TNS3: variants seen among roughly 807,000 people sequenced by gnomAD.
TNS3 encodes tensin-3.
A neutral mutation model predicts 140.9 loss-of-function variants in TNS3; 45 were observed. The observed-to-expected ratio is 0.32, with a 90% CI of 0.25 to 0.41. The LOEUF is 0.41. Among genes scored for constraint, TNS3 ranks in the 10% least tolerant of loss-of-function variants. TNS3 has a pLI of 1.00. For missense variants in TNS3, 1,716 were observed against 1,906.7 expected (o/e 0.90, Z 1.86); for synonymous variants, 815 against 788.4 (o/e 1.03, Z -0.56).
intron 8 of TNS3, among the ~76,000 whole-genome samples, chr7:47,429,388 C>T (rs566086938): frequency 3.3e-5 from 5 of 150,998 alleles, no homozygotes; most frequent in South Asian, 2.1e-4. Context: ...TTTTTGGAGA[C>T]GGAGTCTCAC....
At position 47,564,635 on chromosome 7, in the gene TNS3, C is replaced by CAAAAAAAA. The variant is rs749603752; in HGVS notation, c.-265+17408_-265+17415dup. ...TGGGCAACAGAGCAAGACTCCGTCT[C>CAAAAAAAA]AAAAAAAAAAAAAACAAAAAAAAAC... On this transcript the variant is annotated intron_variant, in intron 1 of 30. Coordinates refer to ENST00000311160, the MANE Select transcript of TNS3 (RefSeq NM_022748.12). 6.6e-3 allele frequency among the ~76,000 whole-genome samples: 198 copies of CAAAAAAAA among 30,118 alleles called. 6 individuals are homozygous for CAAAAAAAA. The highest frequency in any genetic ancestry group is 0.018 in the East Asian group (11 of 622). 19.8% of individuals were successfully genotyped at this position (30,118 alleles called of 152,430 possible).
At chr7:47,477,383 A>T (rs1416662469) in intron 4 of TNS3, among the ~76,000 whole-genome samples, 2 of 152,280 alleles carry the variant, frequency 1.3e-5, no homozygotes, top group Non-Finnish European at 2.9e-5. Context: ...GGGTGGGTAC[A>T]AGTGCCAGGT....
intron 3 of TNS3, among the ~76,000 whole-genome samples, chr7:47,492,767 G>T (rs1328937452): frequency 1.3e-5 from 2 of 152,168 alleles, no homozygotes; most frequent in Non-Finnish European, 2.9e-5. Context: ...ATGAGGGGTG[G>T]GCCCCACATC....
At chr7:47,330,436 T>C (rs900854668) in intron 20 of TNS3, among the ~76,000 whole-genome samples, 2 of 152,158 alleles carry the variant, frequency 1.3e-5, no homozygotes, top group African/African-American at 2.4e-5. Flanking sequence ...CAAACTTTTA[T>C]CCAGATCCTT....
chr7:47,348,633 G>A (rs1789486962), intron 17 of TNS3, among the ~76,000 whole-genome samples: 2 of 152,150 alleles, frequency 1.3e-5, no homozygotes, highest in African/African-American at 4.8e-5. Flanking sequence ...ATATCACACT[G>A]TGCCCCATAA....
intron 3 of TNS3, among the ~76,000 whole-genome samples, chr7:47,498,272 C>T (rs938387400): frequency 6.6e-6 from 1 of 152,228 alleles, no homozygotes; most frequent in Admixed American, 6.5e-5. Flanking sequence ...TCCCATGTAA[C>T]CACAGTGCCA....
rs756136993 is a variant in TNS3 at position 47,531,268 on chromosome 7, A to G, written c.-264-2121T>C. On this transcript the variant is annotated intron_variant, in intron 1 of 30. Coordinates refer to ENST00000311160, the MANE Select transcript of TNS3 (RefSeq NM_022748.12). ...CCCTGAATCTAAAAGTTAAAAAAAT[A>G]AACAAAATAGAATAAAACAAAATAC... Among the ~76,000 whole-genome samples the G allele has an allele frequency of 3.9e-5, 6 of 152,316 alleles. No individual in the cohort carries two copies. In the South Asian group the frequency reaches 1.2e-3, roughly 32 times the overall value.
intron 13 of TNS3, among the ~76,000 whole-genome samples, chr7:47,411,496 G>C (rs1455956517): frequency 6.6e-6 from 1 of 152,114 alleles, no homozygotes; most frequent in African/African-American, 2.4e-5. Context: ...GGGAGGCTCA[G>C]GTGGTCATGC....
intron 13 of TNS3, among the ~76,000 whole-genome samples, chr7:47,408,544 G>A (rs1196459923): frequency 6.6e-6 from 1 of 152,130 alleles, no homozygotes; most frequent in African/African-American, 2.4e-5. Context: ...GTCCGATAGA[G>A]GAAAGTGACC....
chr7:47,565,304 T>A (rs575323800), intron 1 of TNS3, among the ~76,000 whole-genome samples: 2 of 151,758 alleles, frequency 1.3e-5, no homozygotes, highest in African/African-American at 4.8e-5. Flanking sequence ...CTCGATCTCC[T>A]GACCTCGTGA....
Position 47,505,372 on chromosome 7 carries a change from C to T in TNS3, c.-115+1535G>A, listed in dbSNP as rs558007782. On this transcript the variant is annotated intron_variant, in intron 3 of 30. Coordinates refer to ENST00000311160, the MANE Select transcript of TNS3 (RefSeq NM_022748.12). The stretch of plus-strand genomic sequence containing the variant: ...TGGACAAAAAACCTCAAATAAACCA[C>T]GGTCAGAAATCAGCTACGCCTAGGA... Among the ~76,000 whole-genome samples, 8 of 152,328 alleles carry T rather than the reference C, an allele frequency of 5.3e-5. No homozygotes were observed. In the South Asian group the frequency reaches 1.2e-3, roughly 24 times the overall value.
intron 1 of TNS3, among the ~76,000 whole-genome samples, chr7:47,559,219 G>A (rs1240399465): frequency 1.3e-5 from 2 of 152,080 alleles, no homozygotes; most frequent in East Asian, 1.9e-4. Flanking sequence ...GCATGGTGAC[G>A]CGCGCCTGTA....
At chr7:47,392,188 C>T (rs1792560275) in intron 16 of TNS3, among the ~76,000 whole-genome samples, 1 of 134,646 alleles carries the variant, frequency 7.4e-6, no homozygotes, top group Non-Finnish European at 1.8e-5. Context: ...ACTGCCGTCC[C>T]CCGCAGCCAC....
chr7:47,413,451 A>G (rs1479444092), intron 12 of TNS3, among the ~76,000 whole-genome samples: 1 of 151,010 alleles, frequency 6.6e-6, no homozygotes, highest in Non-Finnish European at 1.5e-5. Flanking sequence ...GGGTTTCACC[A>G]TGATGGCCAG....
intron 3 of TNS3, among the ~76,000 whole-genome samples, chr7:47,505,116 C>T (rs902915264): frequency 3.9e-5 from 6 of 152,136 alleles, no homozygotes; most frequent in Admixed American, 3.9e-4. Context: ...GGACAAGCAG[C>T]CCACCCCCTC....
chr7:47,317,618 AC>A (rs754670950), intron 20 of TNS3, among the ~76,000 whole-genome samples: 37 of 152,192 alleles, frequency 2.4e-4, no homozygotes, highest in Non-Finnish European at 5.0e-4. Context: ...TCCCTTAGCA[AC>A]CTACAAGGGA....
At chr7:47,538,662 G>C (rs920540463) in intron 1 of TNS3, among the ~76,000 whole-genome samples, 1 of 152,152 alleles carries the variant, frequency 6.6e-6, no homozygotes, top group African/African-American at 2.4e-5. Flanking sequence ...TGCAGTAGAA[G>C]AGCAAAGCTG....
chr7:47,280,093 C>A, intron 30 of TNS3, 71 bp downstream of exon 30: 2 of 1,586,184 alleles, frequency 1.3e-6, no homozygotes, highest in Middle Eastern at 1.7e-4. Context: ...CTGTGCAAAT[C>A]TGGAAGAGAA....
chr7:47,428,018 A>G (rs1794746160), intron 9 of TNS3, among the ~76,000 whole-genome samples: 2 of 152,090 alleles, frequency 1.3e-5, no homozygotes, highest in African/African-American at 4.8e-5. Flanking sequence ...TTTGTTAGAG[A>G]ATTCTCTATT....
Sources: allele counts gnomAD v4.1 joint callset (sites outside exome capture counted in the v4.1 genomes callset), GRCh38; gene constraint gnomAD v4.1.1; transcripts MANE v1.5; gene names NCBI Gene and HGNC (gene_info 2026-07-23, HGNC 2026-07-21).